CWC27: variants seen among roughly 807,000 people sequenced by gnomAD.
CWC27 encodes the protein CWC27 spliceosome associated cyclophilin.
In CWC27, 47 loss-of-function variants were observed where a neutral mutation model predicts 63.6. The observed-to-expected ratio is 0.74, with a 90% CI of 0.58 to 0.94. CWC27 has a LOEUF of 0.94. Among genes scored for constraint, CWC27 ranks in the 40% least tolerant of loss-of-function variants. The pLI, the probability that CWC27 is intolerant of heterozygous loss-of-function variation, is 0.00. For synonymous variants in CWC27, 175 were observed against 179.8 expected (o/e 0.97, Z 0.22); for missense variants, 495 against 554.3 (o/e 0.89, Z 1.07).
intron 10 of CWC27, among the ~76,000 whole-genome samples, chr5:64,860,089 G>T (rs956182029): frequency 6.6e-6 from 1 of 152,086 alleles, no homozygotes; most frequent in Non-Finnish European, 1.5e-5. Context: ...GCTAAAAAGT[G>T]CCAGAGCCAA....
At chr5:64,881,575 A>G (rs1746935431) in intron 10 of CWC27, among the ~76,000 whole-genome samples, 1 of 152,158 alleles carries the variant, frequency 6.6e-6, no homozygotes, top group Non-Finnish European at 1.5e-5. Flanking sequence ...TGTGTGCTCA[A>G]TATTTTACAT....
chr5:64,882,721 A>G (rs1398075189), intron 10 of CWC27, among the ~76,000 whole-genome samples: 1 of 151,960 alleles, frequency 6.6e-6, no homozygotes, highest in Non-Finnish European at 1.5e-5. Context: ...AGCCTCCCGA[A>G]TAGCTGGGAG....
At chr5:64,932,769 A>G (rs1029241829) in intron 11 of CWC27, among the ~76,000 whole-genome samples, 5 of 152,080 alleles carry the variant, frequency 3.3e-5, no homozygotes, top group African/African-American at 1.2e-4. Context: ...GGCAAGTCTT[A>G]TTTACTCACC....
intron 11 of CWC27, among the ~76,000 whole-genome samples, chr5:64,907,036 T>C (rs1203296718): frequency 2.0e-5 from 3 of 152,254 alleles, no homozygotes; most frequent in Non-Finnish European, 4.4e-5. Context: ...ATATCTGTTT[T>C]GGTACCAGTA....
intron 11 of CWC27, among the ~76,000 whole-genome samples, chr5:64,943,778 G>A (rs1046758552): frequency 1.3e-5 from 2 of 152,040 alleles, no homozygotes; most frequent in African/African-American, 4.8e-5. Flanking sequence ...AAAACAGGAA[G>A]GAAAAATTAG....
chr5:65,014,287 T>C (rs1238145471), intron 13 of CWC27, among the ~76,000 whole-genome samples: 11 of 141,252 alleles, frequency 7.8e-5, no homozygotes, highest in Non-Finnish European at 1.0e-4. Flanking sequence ...AGATCAGTTA[T>C]ATATAGTGTA....
chr5:64,864,959 C>A (rs1746499571), intron 10 of CWC27, among the ~76,000 whole-genome samples: 1 of 151,982 alleles, frequency 6.6e-6, no homozygotes, highest in South Asian at 2.1e-4. Flanking sequence ...CCATGGTCAT[C>A]ATGTTGTGCA....
chr5:64,920,091 G>A (rs1320444811), intron 11 of CWC27, among the ~76,000 whole-genome samples: 10 of 152,040 alleles, frequency 6.6e-5, no homozygotes, highest in Non-Finnish European at 1.3e-4. Flanking sequence ...TCAGCCTTCC[G>A]AGTAGCTGGG....
intron 5 of CWC27, 127 bp downstream of exon 5, chr5:64,785,706 CTAAT>C (rs965617048): frequency 1.1e-5 from 6 of 529,336 alleles, no homozygotes; most frequent in African/African-American, 2.0e-5. Flanking sequence ...AATTTTATCT[CTAAT>C]TTATTTGGGC....
chr5:64,847,298 T>C (rs997912557), intron 10 of CWC27, among the ~76,000 whole-genome samples: 9 of 152,080 alleles, frequency 5.9e-5, no homozygotes, highest in Admixed American at 5.2e-4. Flanking sequence ...ACAAAGGACA[T>C]TACACAATGA....
At chr5:64,899,984 A>G (rs992715214) in intron 11 of CWC27, among the ~76,000 whole-genome samples, 1 of 152,198 alleles carries the variant, frequency 6.6e-6, no homozygotes, top group South Asian at 2.1e-4. Context: ...TGTTGTATAT[A>G]TCAGTAGTTT....
intron 13 of CWC27, among the ~76,000 whole-genome samples, chr5:64,994,519 GAC>G (rs1749595097): frequency 6.6e-6 from 1 of 152,036 alleles, no homozygotes; most frequent in African/African-American, 2.4e-5. Context: ...TTACATATAA[GAC>G]AGCACACAGT....
intron 11 of CWC27, among the ~76,000 whole-genome samples, chr5:64,953,925 G>A (rs140709248): frequency 6.6e-6 from 1 of 152,092 alleles, no homozygotes; most frequent in African/African-American, 2.4e-5. Context: ...ACTCTGCTTT[G>A]TCCTTGCCAT....
At chr5:64,960,442 C>T (rs1263712607) in intron 11 of CWC27, among the ~76,000 whole-genome samples, 1 of 151,968 alleles carries the variant, frequency 6.6e-6, no homozygotes, top group Non-Finnish European at 1.5e-5. Context: ...CAGTGTCTGG[C>T]ATATAGTAAG....
intron 11 of CWC27, among the ~76,000 whole-genome samples, chr5:64,906,631 T>G (rs1230146350): frequency 6.6e-6 from 1 of 152,206 alleles, no homozygotes; most frequent in Non-Finnish European, 1.5e-5. Flanking sequence ...GCGTATTCAC[T>G]CTGATAGTAG....
At chr5:64,894,175 G>A (rs1446964625) in intron 11 of CWC27, among the ~76,000 whole-genome samples, 2 of 151,912 alleles carry the variant, frequency 1.3e-5, no homozygotes, top group South Asian at 2.1e-4. Flanking sequence ...TGATCCACCC[G>A]CCTTAGCCTC....
chr5:64,923,905 C>G (rs1381196586), intron 11 of CWC27, among the ~76,000 whole-genome samples: 1 of 152,000 alleles, frequency 6.6e-6, no homozygotes, highest in East Asian at 1.9e-4. Context: ...CACTCTTTTT[C>G]CAATCAGCCA....
chr5:64,889,392 A>C (rs1282750586), intron 11 of CWC27, among the ~76,000 whole-genome samples: 1 of 152,226 alleles, frequency 6.6e-6, no homozygotes, highest in East Asian at 1.9e-4. Context: ...TAAGTCTAAA[A>C]TAATTTCAAA....
intron 9 of CWC27, among the ~76,000 whole-genome samples, chr5:64,802,455 T>C (rs918589937): frequency 3.3e-5 from 5 of 152,256 alleles, no homozygotes; most frequent in African/African-American, 1.2e-4. Context: ...AGGTGTTTGT[T>C]AAAAAGAAGG....
Sources: allele counts gnomAD v4.1 joint callset (sites outside exome capture counted in the v4.1 genomes callset), GRCh38; gene constraint gnomAD v4.1.1; transcripts MANE v1.5; gene names NCBI Gene and HGNC (gene_info 2026-07-23, HGNC 2026-07-21).